Variants in RIPOR3 observed in about 807,000 individuals in gnomAD.
The protein encoded by RIPOR3 is RIPOR family member 3.
In RIPOR3, 95 loss-of-function variants were observed where a neutral mutation model predicts 114.3. The observed-to-expected ratio is 0.83, with a 90% CI of 0.70 to 0.99. The LOEUF (loss-of-function observed/expected upper bound fraction) is 0.99. Ranked by LOEUF, RIPOR3 falls within the 50% of genes least tolerant of loss-of-function variation. The probability of loss-of-function intolerance (pLI) is 0.00; values close to 1 mark genes in which losing one functional copy is unlikely to be tolerated. For synonymous variants in RIPOR3, 575 were observed against 543.8 expected (o/e 1.06, Z -0.80); for missense variants, 1,252 against 1,266.9 (o/e 0.99, Z 0.18).
In RIPOR3 at chr20:50,596,100, CCT is replaced by C. The variant is rs373756359; in HGVS notation, c.1914+38_1914+39del. 2.1e-5 allele frequency: 34 copies of C among 1,613,146 alleles called. No homozygotes were observed. The Admixed American group carries it at 2.5e-4, about 12-fold the overall frequency. ...GCCTTTGCAAAGAGGACTCCAAACC[CCT>C]GTCTGCCCCTCCCTGACAAGTCCCC... is the stretch of plus-strand genomic sequence containing the variant. On this transcript the variant is annotated intron_variant, in intron 15 of 21. Transcript: ENST00000327979.
At chr20:50,685,360 G>A (rs1401252874) in intron 1 of RIPOR3, among the ~76,000 whole-genome samples, 2 of 151,556 alleles carry the variant, frequency 1.3e-5, no homozygotes, top group Non-Finnish European at 2.9e-5. Context: ...GAGATTACAG[G>A]AGCCCGCCAC....
intron 13 of RIPOR3, among the ~76,000 whole-genome samples, chr20:50,598,538 C>A (rs542265128): frequency 6.6e-6 from 1 of 152,250 alleles, no homozygotes; most frequent in African/African-American, 2.4e-5. Flanking sequence ...AAGGGAATAA[C>A]AAGGCTAGTT....
intron 11 of RIPOR3, among the ~76,000 whole-genome samples, chr20:50,607,840 G>T (rs1220429208): frequency 6.6e-6 from 1 of 152,158 alleles, no homozygotes; most frequent in Non-Finnish European, 1.5e-5. Flanking sequence ...CCCTTCTGCT[G>T]CCTCTGCGCT....
chr20:50,688,563 C>T (rs1348916792), intron 1 of RIPOR3, among the ~76,000 whole-genome samples: 4 of 152,176 alleles, frequency 2.6e-5, no homozygotes, highest in East Asian at 3.9e-4. Context: ...GAAAATCTGA[C>T]AATCAGCTTT....
At chr20:50,623,915 C>A (rs551370086) in intron 2 of RIPOR3, among the ~76,000 whole-genome samples, 1 of 152,364 alleles carries the variant, frequency 6.6e-6, no homozygotes, top group African/African-American at 2.4e-5. Context: ...CTGCTCACTG[C>A]AACCTCCGCC....
chr20:50,652,668 C>T (rs1360374137), intron 1 of RIPOR3, among the ~76,000 whole-genome samples: 3 of 151,890 alleles, frequency 2.0e-5, no homozygotes, highest in African/African-American at 7.3e-5. Context: ...TCACCAAGCC[C>T]TCTCTATACC....
At chr20:50,598,401 C>G (rs1056858704) in intron 13 of RIPOR3, among the ~76,000 whole-genome samples, 1 of 151,934 alleles carries the variant, frequency 6.6e-6, no homozygotes, top group East Asian at 1.9e-4. Context: ...TTCCTGCCCC[C>G]GTTCCCAGCA....
chr20:50,669,047 C>A (rs2086364179), intron 1 of RIPOR3, among the ~76,000 whole-genome samples: 1 of 152,152 alleles, frequency 6.6e-6, no homozygotes, highest in Admixed American at 6.5e-5. Context: ...CACACGCATG[C>A]ACATGCACAC....
At chr20:50,688,830 C>T (rs1372310054) in intron 1 of RIPOR3, among the ~76,000 whole-genome samples, 1 of 152,146 alleles carries the variant, frequency 6.6e-6, no homozygotes, top group Non-Finnish European at 1.5e-5. Flanking sequence ...GAGACTGGTT[C>T]ACAAAGGCAC....
Position 50,605,901 on chromosome 20 carries a change from C to T in RIPOR3, c.957-1127G>A, listed in dbSNP as rs192866566. 4.1e-3 allele frequency among the ~76,000 whole-genome samples: 625 copies of T among 152,314 alleles called. 6 individuals carry two copies. Among genetic ancestry groups the T allele is most frequent in the Middle Eastern group, 6.8e-3 (2 of 294 alleles). On this transcript the variant is annotated intron_variant, in intron 11 of 21. Coordinates refer to ENST00000327979, the MANE Select transcript of RIPOR3 (RefSeq NM_001290268.2). The stretch of plus-strand genomic sequence containing the variant: ...GAACTCCAGGTTACATGACCTCTAC[C>T]CCTTTAGAAACCTTTCTCAAGGCTG...
chr20:50,684,921 G>A (rs1250858301), intron 1 of RIPOR3, among the ~76,000 whole-genome samples: 4 of 152,180 alleles, frequency 2.6e-5, no homozygotes, highest in Non-Finnish European at 4.4e-5. Flanking sequence ...GACCACAGGT[G>A]CATGCAACCA....
chr20:50,682,607 A>G (rs889992448), intron 1 of RIPOR3, among the ~76,000 whole-genome samples: 4 of 14,212 alleles, frequency 2.8e-4, no homozygotes, highest in African/African-American at 4.3e-4. Flanking sequence ...ACCCTGTCTC[A>G]AAATATGTGT....
chr20:50,631,728 C>G (rs1179629662), intron 1 of RIPOR3, among the ~76,000 whole-genome samples: 1 of 152,222 alleles, frequency 6.6e-6, no homozygotes, highest in Admixed American at 6.5e-5. Flanking sequence ...GCAATGGGGC[C>G]AACCCCGAGC....
intron 1 of RIPOR3, among the ~76,000 whole-genome samples, chr20:50,668,577 C>T (rs995425062): frequency 6.6e-6 from 1 of 152,308 alleles, no homozygotes; most frequent in Admixed American, 6.5e-5. Flanking sequence ...GGGGAAATGG[C>T]CGGGCACAGT....
At chr20:50,678,284 A>G (rs1196343994) in intron 1 of RIPOR3, among the ~76,000 whole-genome samples, 1 of 152,190 alleles carries the variant, frequency 6.6e-6, no homozygotes, top group African/African-American at 2.4e-5. Context: ...TTCACCAGGA[A>G]CCTGGGGGCT....
Position 50,594,715 on chromosome 20 carries a change from C to T in RIPOR3, c.2051-1G>A, listed in dbSNP as rs776381538. On this transcript the variant is annotated splice_acceptor_variant, in intron 16 of 21. Coordinates refer to ENST00000327979, the MANE Select transcript of RIPOR3 (RefSeq NM_001290268.2). LOFTEE classifies it high-confidence loss of function. Reference sequence around the variant, plus strand: ...TTCGTCCGCGAGGCCTGTGGGATGACTGAAAGCCCCAGTTCAGAAACCTGA... The same window carrying T: ...TTCGTCCGCGAGGCCTGTGGGATGATTGAAAGCCCCAGTTCAGAAACCTGA... 15 of 1,607,322 alleles carry T rather than the reference C, an allele frequency of 9.3e-6. No homozygotes were observed. The highest frequency in any genetic ancestry group is 1.2e-5 in the Non-Finnish European group (14 of 1,175,312).
intron 3 of RIPOR3, 95 bp downstream of exon 3, chr20:50,619,891 T>C: frequency 1.4e-6 from 2 of 1,471,014 alleles, no homozygotes; most frequent in Non-Finnish European, 9.2e-7. Context: ...TCACCTCTTG[T>C]AGACAAGACC....
At chr20:50,623,270 A>G (rs59214189) in intron 2 of RIPOR3, among the ~76,000 whole-genome samples, 23 of 146,396 alleles carry the variant, frequency 1.6e-4, no homozygotes, top group African/African-American at 6.1e-4. Flanking sequence ...TAAAAAAAAA[A>G]AAAAAAAAAG....
chr20:50,613,187 C>A (rs987702755), intron 4 of RIPOR3, among the ~76,000 whole-genome samples: 3 of 152,104 alleles, frequency 2.0e-5, no homozygotes, highest in Admixed American at 6.6e-5. Context: ...GTGGCTCATG[C>A]CTATAATCCT....
Sources: gnomAD v4.1 joint callset for allele counts (sites outside exome capture counted in the v4.1 genomes callset) on GRCh38, gnomAD v4.1.1 for gene constraint, MANE v1.5 for transcripts, NCBI Gene and HGNC (gene_info 2026-07-23, HGNC 2026-07-21) for gene names.